The following CUX1 variants were observed in gnomAD, a reference collection of about 807,000 sequenced individuals.
CUX1 encodes the protein protein CASP.
CUX1 carries 31 observed loss-of-function variants against 158.8 expected under a neutral mutation model. That is an observed-to-expected ratio of 0.20 (90% CI 0.15 to 0.26). CUX1 has a LOEUF of 0.26. Among genes scored for constraint, CUX1 ranks in the 10% least tolerant of loss-of-function variants. The pLI, the probability that CUX1 is intolerant of heterozygous loss-of-function variation, is 1.00. For missense variants in CUX1, 1,589 were observed against 2,014.6 expected (o/e 0.79, Z 4.04); for synonymous variants, 879 against 862.1 (o/e 1.02, Z -0.34).
intron 20 of CUX1, chr7:102,281,732 T>C (rs889758315): frequency 1.3e-6 from 1 of 745,612 alleles, no homozygotes; most frequent in Non-Finnish European, 2.4e-6. Context: ...CAGCTTCCTG[T>C]CCCTTCCCTC....
At chr7:102,277,917 C>T in intron 17 of CUX1, 1 of 1,160,784 alleles carries the variant, frequency 8.6e-7, no homozygotes, top group Non-Finnish European at 1.2e-6. Context: ...GAGGCCTCTC[C>T]CCCACCCCTT....
intron 8 of CUX1, among the ~76,000 whole-genome samples, chr7:102,125,088 T>C (rs1221144718): frequency 1.3e-5 from 2 of 152,126 alleles, no homozygotes; most frequent in Non-Finnish European, 2.9e-5. Flanking sequence ...GGCCCCATTT[T>C]TTAAGTGTTG....
At chr7:101,825,864 C>A (rs1793233883) in intron 1 of CUX1, among the ~76,000 whole-genome samples, 1 of 151,864 alleles carries the variant, frequency 6.6e-6, no homozygotes, top group Non-Finnish European at 1.5e-5. Flanking sequence ...CTTTCTAACA[C>A]ACGAGCTGAG....
chr7:101,858,423 G>A (rs1405030645), intron 1 of CUX1, among the ~76,000 whole-genome samples: 2 of 151,962 alleles, frequency 1.3e-5, no homozygotes, highest in Non-Finnish European at 2.9e-5. Flanking sequence ...TCCCTTCTTG[G>A]TCCCTCCCGC....
intron 20 of CUX1, among the ~76,000 whole-genome samples, chr7:102,211,423 G>T (rs1796512093): frequency 6.6e-6 from 1 of 152,038 alleles, no homozygotes; most frequent in African/African-American, 2.4e-5. Context: ...TGCAGCCTGG[G>T]TGACAAAGCG....
chr7:102,041,220 A>G (rs116450255), intron 3 of CUX1, among the ~76,000 whole-genome samples: 2,708 of 139,094 alleles, frequency 0.019, 81 homozygotes, highest in African/African-American at 0.068. Flanking sequence ...TGCTTGGACG[A>G]CCACCTGCCA....
At chr7:101,966,465 G>A (rs973359479) in intron 2 of CUX1, among the ~76,000 whole-genome samples, 7 of 152,110 alleles carry the variant, frequency 4.6e-5, no homozygotes, top group Non-Finnish European at 7.4e-5. Context: ...ATGGGCACAT[G>A]GGGACTGGTG....
At chr7:102,042,514 C>T (rs1397282123) in intron 3 of CUX1, among the ~76,000 whole-genome samples, 1 of 152,180 alleles carries the variant, frequency 6.6e-6, no homozygotes, top group African/African-American at 2.4e-5. Flanking sequence ...TCCTGGACTT[C>T]TACTCTGGCC....
At position 102,160,889 on chromosome 7, in the gene CUX1, C is replaced by T. The variant is rs914759475; in HGVS notation, c.723+2281C>T. Among the ~76,000 whole-genome samples the T allele has an allele frequency of 2.6e-5, 4 of 152,058 alleles. No individual in the cohort carries two copies. The South Asian group carries it at 6.2e-4, about 24-fold the overall frequency. On this transcript the variant is annotated intron_variant, in intron 9 of 23. Coordinates refer to ENST00000292535, the MANE Select transcript of CUX1 (RefSeq NM_181552.4). ...TGCACAACCACGTAAACGTCCTTGA[C>T]GCTACTGAAAAGTACGCTAATGGTT...
exon 23 of CUX1, chr7:102,283,268 A>T (rs1438545084): frequency 4.8e-6 from 3 of 621,062 alleles, no homozygotes; most frequent in African/African-American, 1.8e-5. Flanking sequence ...TCTCGGTCAC[A>T]TCAGGCCCGC....
intron 21 of CUX1, among the ~76,000 whole-genome samples, chr7:102,230,014 C>A (rs1158517718): frequency 6.6e-6 from 1 of 152,182 alleles, no homozygotes; most frequent in Non-Finnish European, 1.5e-5. Context: ...ATTGGAAACC[C>A]ACCCTTTCTA....
intron 1 of CUX1, among the ~76,000 whole-genome samples, chr7:101,895,411 T>A (rs1005009514): frequency 6.6e-6 from 1 of 152,168 alleles, no homozygotes; most frequent in African/African-American, 2.4e-5. Flanking sequence ...TGGGTGAGTC[T>A]GGCCTGGGAC....
At chr7:101,895,893 T>G (rs1215359952) in intron 1 of CUX1, among the ~76,000 whole-genome samples, 4 of 69,122 alleles carry the variant, frequency 5.8e-5, no homozygotes, top group East Asian at 3.6e-3. Flanking sequence ...CCTGTAAAGT[T>G]TTTTTTTTGT....
chr7:101,875,266 G>T (rs1342687798), intron 1 of CUX1, among the ~76,000 whole-genome samples: 2 of 152,144 alleles, frequency 1.3e-5, no homozygotes, highest in South Asian at 2.1e-4. Flanking sequence ...TCAGCCACAT[G>T]CCAGGCCTTC....
intron 3 of CUX1, among the ~76,000 whole-genome samples, chr7:102,037,928 G>A (rs1465652474): frequency 2.0e-5 from 3 of 151,796 alleles, no homozygotes; most frequent in Admixed American, 1.3e-4. Flanking sequence ...GGTGGCACAT[G>A]CCTGTAGTCT....
At chr7:101,926,069 C>T (rs1472522615) in intron 2 of CUX1, among the ~76,000 whole-genome samples, 2 of 152,134 alleles carry the variant, frequency 1.3e-5, no homozygotes, top group African/African-American at 4.8e-5. Context: ...AAAGAAACTC[C>T]CCACAGAAAA....
intron 2 of CUX1, chr7:101,932,653 C>G: frequency 2.2e-6 from 1 of 452,392 alleles, no homozygotes; most frequent in Non-Finnish European, 4.5e-6. Context: ...GAATTAAAAG[C>G]TGCAGACAAG....
At chr7:101,862,307 A>T (rs1326005579) in intron 1 of CUX1, among the ~76,000 whole-genome samples, 1 of 152,056 alleles carries the variant, frequency 6.6e-6, no homozygotes, top group Non-Finnish European at 1.5e-5. Flanking sequence ...GAGTCCTTCT[A>T]GTCCTCCAAG....
chr7:101,912,409 C>T (rs1025305815), intron 1 of CUX1, among the ~76,000 whole-genome samples: 1 of 152,178 alleles, frequency 6.6e-6, no homozygotes, highest in South Asian at 2.1e-4. Flanking sequence ...GGTGGACACA[C>T]AGACCGTAAC....
Sources: allele counts gnomAD v4.1 joint callset (sites outside exome capture counted in the v4.1 genomes callset), GRCh38; gene constraint gnomAD v4.1.1; transcripts MANE v1.5; gene names NCBI Gene and HGNC (gene_info 2026-07-23, HGNC 2026-07-21).